SANBR: variants seen among roughly 807,000 people sequenced by gnomAD.
SANBR encodes SANT and BTB domain regulator of class switch recombination.
A neutral mutation model predicts 101.8 loss-of-function variants in SANBR; 77 were observed. The observed-to-expected ratio is 0.76, with a 90% CI of 0.63 to 0.91. SANBR has a LOEUF of 0.91. Ranked by LOEUF, SANBR falls within the 40% of genes least tolerant of loss-of-function variation. SANBR has a pLI of 0.00. For synonymous variants in SANBR, 279 were observed against 274.7 expected (o/e 1.02, Z -0.15); for missense variants, 875 against 853.0 (o/e 1.03, Z -0.32).
intron 21 of SANBR, among the ~76,000 whole-genome samples, chr2:61,136,376 T>G (rs1684849001): frequency 6.6e-6 from 1 of 151,516 alleles, no homozygotes; most frequent in Non-Finnish European, 1.5e-5. Context: ...GGCTCACGCC[T>G]GTAATCCTAG....
chr2:61,114,208 G>A (rs752158713), intron 16 of SANBR, among the ~76,000 whole-genome samples: 4 of 152,148 alleles, frequency 2.6e-5, no homozygotes, highest in Non-Finnish European at 5.9e-5. Flanking sequence ...AGTCTGGGCC[G>A]CTTACAGACT....
chr2:61,093,139 A>T (rs1682857210), intron 11 of SANBR: 1 of 152,146 alleles, frequency 6.6e-6, no homozygotes, highest in Non-Finnish European at 1.5e-5. Flanking sequence ...TCTCAAAAAT[A>T]AAATAAAATA....
intron 10 of SANBR, chr2:61,089,258 C>T: frequency 2.1e-6 from 2 of 932,690 alleles, no homozygotes; most frequent in Non-Finnish European, 2.6e-6. Context: ...CACCTATAAT[C>T]CCAGCACTTT....
chr2:61,086,234 G>A (rs931264688), intron 8 of SANBR, among the ~76,000 whole-genome samples: 3 of 151,912 alleles, frequency 2.0e-5, no homozygotes, highest in Non-Finnish European at 4.4e-5. Context: ...TACAGCCATG[G>A]CTTACTGCGG....
At position 61,118,043 on chromosome 2, in the gene SANBR, C is replaced by G. The variant is rs1211549937; in HGVS notation, c.1955C>G (p.Thr652Ser). 1 of 1,613,088 alleles carries G rather than the reference C, an allele frequency of 6.2e-7. No individual in the cohort carries two copies. Among genetic ancestry groups the G allele is most frequent in the Non-Finnish European group, 8.5e-7 (1 of 1,179,578 alleles). The change falls in exon 20 of 22, where the codon ACT becomes AGT. Residue 652 changes from threonine (T) to serine (S), a missense_variant. Coordinates refer to ENST00000402291, the MANE Select transcript of SANBR (RefSeq NM_001129993.3). ...TTCCCTTCAGATCAACGGCGAATGA[C>G]TGAAATTACAGGGCACCTAATAAAA... Reference protein sequence around the residue: ...AQREDDQRRMTEITGHLIKMR... With the variant: ...AQREDDQRRMSEITGHLIKMR...
intron 16 of SANBR, among the ~76,000 whole-genome samples, chr2:61,112,109 T>G (rs1049889998): frequency 6.6e-6 from 1 of 152,192 alleles, no homozygotes; most frequent in Admixed American, 6.5e-5. Flanking sequence ...TGTTTCACTT[T>G]ATAAGAAACT....
At chr2:61,124,378 C>G (rs909948422), downstream of SANBR, 1 of 517,720 alleles carries the variant, frequency 1.9e-6, no homozygotes, top group Non-Finnish European at 2.5e-6. Context: ...AAAATTATCT[C>G]TGCTACAAGG....
intron 14 of SANBR, among the ~76,000 whole-genome samples, chr2:61,107,785 C>G (rs980105544): frequency 1.3e-5 from 2 of 151,792 alleles, no homozygotes; most frequent in African/African-American, 4.8e-5. Flanking sequence ...ACTCGGGAGG[C>G]TAAAGCAGGA....
At position 61,106,651 on chromosome 2, in the gene SANBR, G is replaced by T; in HGVS notation, c.1600G>T (p.Glu534Ter). The part of the protein sequence containing the change: ...PNTPWGPKTG[E>*]LNAFLSLKNW... Reference sequence around the variant, plus strand: ...TACACCATGGGGTCCCAAAACTGGGGAGCTCAATGCTGTGAGTAGTTTTTT... The same window carrying T: ...TACACCATGGGGTCCCAAAACTGGGTAGCTCAATGCTGTGAGTAGTTTTTT... Residue 534 changes from glutamate (E) to a stop codon, truncating the protein, a stop_gained, in exon 14 of 22, where the codon GAG becomes TAG. Transcript: ENST00000402291. LOFTEE classifies it high-confidence loss of function. The T allele has an allele frequency of 6.3e-7, 1 of 1,578,776 alleles. No homozygotes were observed. The highest frequency in any genetic ancestry group is 2.3e-5 in the East Asian group (1 of 44,014).
At chr2:61,079,713 G>A (rs1681989819) in intron 6 of SANBR, among the ~76,000 whole-genome samples, 1 of 152,264 alleles carries the variant, frequency 6.6e-6, no homozygotes, top group Non-Finnish European at 1.5e-5. Flanking sequence ...AGCAAGCCTG[G>A]CCAACATGGT....
At position 61,081,449 on chromosome 2, in the gene SANBR, TAGA is replaced by T; in HGVS notation, c.671-2_671del. On this transcript the variant is annotated splice_acceptor_variant and coding_sequence_variant, in exon 7 of 22. Transcript: ENST00000402291. LOFTEE classifies it high-confidence loss of function. ...GGGTAATCTAATTTTTTTTTTTTTT[TAGA>T]GCCAGGAAATGTCATTTCAATTCTT... 1 of 1,581,652 alleles carries T rather than the reference TAGA, an allele frequency of 6.3e-7. No homozygotes were observed. Among genetic ancestry groups the T allele is most frequent in the Non-Finnish European group, 8.6e-7 (1 of 1,166,128 alleles).
rs185738923 is a variant in SANBR, at chr2:61,090,228, C to T, written c.1088+1760C>T. Among the ~76,000 whole-genome samples the T allele has an allele frequency of 5.3e-5, 8 of 152,136 alleles. No individual in the cohort carries two copies. In the East Asian group the frequency reaches 1.5e-3, roughly 29 times the overall value. On this transcript the variant is annotated intron_variant, in intron 10 of 21. Transcript: ENST00000402291. ...CACTAAAACATTAATTGTGGTGTTACCTTTCAGTGATAGTATTACAGATGA... is the reference window on the plus strand; with the variant it reads ...CACTAAAACATTAATTGTGGTGTTATCTTTCAGTGATAGTATTACAGATGA...
chr2:61,076,878 A>G, intron 5 of SANBR, 42 bp from the exon 6 acceptor site: 1 of 1,437,700 alleles, frequency 7.0e-7, no homozygotes. Context: ...CTCCTTTTCT[A>G]AAACTCTAAT....
intron 13 of SANBR, among the ~76,000 whole-genome samples, chr2:61,104,632 G>C (rs192079645): frequency 1.9e-3 from 284 of 152,284 alleles, no homozygotes; most frequent in African/African-American, 6.5e-3. Flanking sequence ...ATGCATGATT[G>C]ATACAACTAG....
At chr2:61,114,298 C>T (rs537221859) in intron 16 of SANBR, among the ~76,000 whole-genome samples, 10 of 152,218 alleles carry the variant, frequency 6.6e-5, no homozygotes, top group East Asian at 3.9e-4. Flanking sequence ...ACACATTAAA[C>T]GACAAAAGTC....
At chr2:61,117,627 G>A in intron 19 of SANBR, 87 bp downstream of exon 19, 3 of 1,193,384 alleles carry the variant, frequency 2.5e-6, no homozygotes, top group Non-Finnish European at 3.7e-6. Flanking sequence ...ATGCTGAATA[G>A]CTCTAGAGTT....
At chr2:61,109,689 T>G (rs1683736730) in intron 16 of SANBR, among the ~76,000 whole-genome samples, 1 of 148,594 alleles carries the variant, frequency 6.7e-6, no homozygotes, top group African/African-American at 2.5e-5. Context: ...TTGTTTTTTT[T>G]TTTTTTTTTT....
chr2:61,097,685 C>A lies in SANBR; in HGVS notation c.1213-15C>A. The A allele has an allele frequency of 6.4e-7, 1 of 1,552,056 alleles. No homozygotes were observed. On this transcript the variant is annotated splice_polypyrimidine_tract_variant and intron_variant, in intron 11 of 21. Transcript: ENST00000402291. ...TTGTGGAAATAGTAGTTGATTTTAT[C>A]TATGTCTTTATCAGGCCTTTCTCTG...
chr2:61,098,002 T>TGGA, intron 12 of SANBR, 150 bp downstream of exon 12: 1 of 497,864 alleles, frequency 2.0e-6, no homozygotes, highest in South Asian at 4.4e-5. Context: ...TTCTTAGAGA[T>TGGA]AATCACTGTT....
Sources: allele counts gnomAD v4.1 joint callset (sites outside exome capture counted in the v4.1 genomes callset), GRCh38; gene constraint gnomAD v4.1.1; transcripts MANE v1.5; gene names NCBI Gene and HGNC (gene_info 2026-07-23, HGNC 2026-07-21).